The following DNAH12 variants were observed in gnomAD, a reference collection of about 807,000 sequenced individuals.
DNAH12 encodes dynein axonemal heavy chain 12, also known as axonemal beta dynein heavy chain 12.
DNAH12 carries 285 observed loss-of-function variants against 371.5 expected under a neutral mutation model. That is an observed-to-expected ratio of 0.77 (90% CI 0.70 to 0.85). The LOEUF (loss-of-function observed/expected upper bound fraction) is 0.85, where lower values mean the gene tolerates loss of function less well. Among genes scored for constraint, DNAH12 ranks in the 40% least tolerant of loss-of-function variants. The pLI, the probability that DNAH12 is intolerant of heterozygous loss-of-function variation, is 0.00. For synonymous variants in DNAH12, 1,200 were observed against 1,213.0 expected (o/e 0.99, Z 0.22); for missense variants, 3,611 against 3,689.4 (o/e 0.98, Z 0.55).
At chr3:57,473,369 C>A (rs1419463129) in intron 13 of DNAH12, among the ~76,000 whole-genome samples, 4 of 152,044 alleles carry the variant, frequency 2.6e-5, no homozygotes, top group Non-Finnish European at 4.4e-5. Context: ...CGTCTGTAGT[C>A]CCAGCTACTT....
At chr3:57,320,764 C>T (rs539250484) in intron 65 of DNAH12, among the ~76,000 whole-genome samples, 74 of 152,270 alleles carry the variant, frequency 4.9e-4, no homozygotes, top group African/African-American at 1.6e-3. Flanking sequence ...GGGGATGGGA[C>T]CCAGCAAGAT....
intron 37 of DNAH12, among the ~76,000 whole-genome samples, chr3:57,417,751 T>C (rs1171146485): frequency 3.3e-5 from 5 of 152,168 alleles, no homozygotes; most frequent in African/African-American, 1.2e-4. Flanking sequence ...AGTCATCAGA[T>C]CCACTGACAG....
intron 70 of DNAH12, among the ~76,000 whole-genome samples, chr3:57,297,534 C>G (rs2061258038): frequency 6.6e-6 from 1 of 151,684 alleles, no homozygotes; most frequent in African/African-American, 2.4e-5. Context: ...TTTTGTATTT[C>G]TAGTAGAGAT....
intron 62 of DNAH12, among the ~76,000 whole-genome samples, chr3:57,331,457 C>T (rs534204399): frequency 6.6e-6 from 1 of 152,210 alleles, no homozygotes; most frequent in Non-Finnish European, 1.5e-5. Flanking sequence ...TACACAGACA[C>T]ATATGCACAC....
rs543869775 is a variant in DNAH12 at position 57,481,353 on chromosome 3, C to T, written c.1650+2023G>A. 4.9e-3 allele frequency among the ~76,000 whole-genome samples: 742 copies of T among 152,230 alleles called. 2 individuals are homozygous for T. The highest frequency in any genetic ancestry group is 0.017 in the Middle Eastern group (5 of 294). On this transcript the variant is annotated intron_variant, in intron 13 of 73. Coordinates refer to ENST00000495027, the MANE Select transcript of DNAH12 (RefSeq NM_001366028.2). Reference sequence around the variant, plus strand: ...AAAGAGAATAAAACACCTAGGAATCCAACTTACAAGGGACATGAAGGACCT... The same window carrying T: ...AAAGAGAATAAAACACCTAGGAATCTAACTTACAAGGGACATGAAGGACCT...
chr3:57,507,953 C>T (rs2067826311), intron 7 of DNAH12, 115 bp from the exon 8 acceptor site: 2 of 891,294 alleles, frequency 2.2e-6, no homozygotes, highest in East Asian at 5.7e-5. Context: ...CTTTGGGAGG[C>T]TGAGGCAGGC....
chr3:57,470,685 T>A (rs2066341418), intron 15 of DNAH12, 49 bp from the exon 16 acceptor site: 2 of 1,400,926 alleles, frequency 1.4e-6, no homozygotes, highest in African/African-American at 1.5e-5. Context: ...AGTAATGTTA[T>A]AAAAATAAAA....
chr3:57,553,272 C>G, the DNAH12 span, among the ~76,000 whole-genome samples: 1 of 152,188 alleles, frequency 6.6e-6, no homozygotes, highest in Non-Finnish European at 1.5e-5. Context: ...AGATATTGGA[C>G]AGAGGCACTT....
intron 43 of DNAH12, among the ~76,000 whole-genome samples, chr3:57,398,418 G>A (rs886180916): frequency 2.6e-5 from 4 of 152,142 alleles, no homozygotes; most frequent in African/African-American, 9.6e-5. Context: ...GGAAAGAAGT[G>A]GATATAAAAA....
chr3:57,461,312 T>C (rs2066047277), intron 19 of DNAH12, among the ~76,000 whole-genome samples, 177 bp downstream of exon 19: 1 of 152,154 alleles, frequency 6.6e-6, no homozygotes, highest in South Asian at 2.1e-4. Context: ...TATTTCTATA[T>C]TAAATTTTGA....
chr3:57,550,268 A>G, the DNAH12 span, among the ~76,000 whole-genome samples: 1 of 152,122 alleles, frequency 6.6e-6, no homozygotes, highest in African/African-American at 2.4e-5. Context: ...ATGAACTATG[A>G]CGACACCACC....
In DNAH12 at chr3:57,521,063, CAAAAAAAAAAAAAAA is replaced by C. The variant is rs61570396; in HGVS notation, c.279+2505_279+2519del. ...TGGGCGACAAAGTGAGACTCTGTCT[CAAAAAAAAAAAAAAA>C]AAAAAAAAAAAAAAAAAAAAAATTC... On this transcript the variant is annotated intron_variant, in intron 4 of 73. Coordinates refer to ENST00000495027, the MANE Select transcript of DNAH12 (RefSeq NM_001366028.2). Among the ~76,000 whole-genome samples the C allele has an allele frequency of 1.5e-3, 82 of 54,476 alleles. 2 individuals carry two copies. Among genetic ancestry groups the C allele is most frequent in the South Asian group, 6.8e-3 (6 of 884 alleles). The allele number at this position is 54,476 out of a possible 152,430, so 35.7% of individuals were successfully genotyped here. A position where few individuals can be genotyped will look rare whatever the true frequency, so the allele number is the denominator to read the frequency against.
At chr3:57,480,716 C>A (rs943530318) in intron 13 of DNAH12, among the ~76,000 whole-genome samples, 23 of 152,124 alleles carry the variant, frequency 1.5e-4, no homozygotes, top group Admixed American at 7.9e-4. Context: ...AAAAGCTTAT[C>A]CACCATGATC....
In DNAH12 at chr3:57,464,142, C is replaced by T. The variant is rs539594447; in HGVS notation, c.2350-1267G>A. 2.6e-4 allele frequency among the ~76,000 whole-genome samples: 40 copies of T among 152,116 alleles called. 1 individual carries two copies. In the South Asian group the frequency reaches 7.7e-3, roughly 29 times the overall value. ...CCACCCTGGGTTCCCTAGCAGGAGA[C>T]CTGCCCTGCCTTAACCCACAGGAAG... On this transcript the variant is annotated intron_variant, in intron 17 of 73. Coordinates refer to ENST00000495027, the MANE Select transcript of DNAH12 (RefSeq NM_001366028.2).
intron 4 of DNAH12, among the ~76,000 whole-genome samples, chr3:57,516,083 A>G (rs2068184293): frequency 1.4e-5 from 1 of 70,634 alleles, no homozygotes; most frequent in African/African-American, 6.2e-5. Flanking sequence ...TTTTTTCTTC[A>G]GATGGAGTCT....
Position 57,306,632 on chromosome 3 carries a change from C to T in DNAH12, c.11189+2519G>A, listed in dbSNP as rs570152507. Reference sequence around the variant, plus strand: ...GACCGATCATGCACCCCTTACCATCCCATTAAAACCTAATCACCCTTACCC... The same window carrying T: ...GACCGATCATGCACCCCTTACCATCTCATTAAAACCTAATCACCCTTACCC... On this transcript the variant is annotated intron_variant, in intron 69 of 73. Transcript: ENST00000495027. Among the ~76,000 whole-genome samples, 21 of 152,222 alleles carry T rather than the reference C, an allele frequency of 1.4e-4. No individual in the cohort carries two copies. The South Asian group carries it at 3.9e-3, about 29-fold the overall frequency.
intron 42 of DNAH12, among the ~76,000 whole-genome samples, chr3:57,404,586 G>A (rs1226721780): frequency 6.6e-6 from 1 of 152,012 alleles, no homozygotes; most frequent in Non-Finnish European, 1.5e-5. Context: ...CAGGCATGCC[G>A]GCGCATGCCT....
intron 11 of DNAH12, among the ~76,000 whole-genome samples, chr3:57,492,133 G>A (rs928600344): frequency 3.9e-5 from 6 of 152,096 alleles, no homozygotes; most frequent in African/African-American, 1.2e-4. Flanking sequence ...CTGCACTCCA[G>A]CCTGGACAAC....
chr3:57,345,533 A>G (rs1553657770), intron 60 of DNAH12, among the ~76,000 whole-genome samples: 1 of 152,192 alleles, frequency 6.6e-6, no homozygotes, highest in Non-Finnish European at 1.5e-5. Flanking sequence ...TGAAGAGATG[A>G]ACTGCTCTTG....
Sources: gnomAD v4.1 joint callset for allele counts (sites outside exome capture counted in the v4.1 genomes callset) on GRCh38, gnomAD v4.1.1 for gene constraint, MANE v1.5 for transcripts, NCBI Gene and HGNC (gene_info 2026-07-23, HGNC 2026-07-21) for gene names.